The following CYP20A1 variants were observed in gnomAD, a reference collection of about 807,000 sequenced individuals.
The protein encoded by CYP20A1 is cytochrome P450 20A1.
A neutral mutation model predicts 61.4 loss-of-function variants in CYP20A1; 61 were observed. That is an observed-to-expected ratio of 0.99 (90% CI 0.81 to 1.23). The LOEUF (loss-of-function observed/expected upper bound fraction) is 1.23. CYP20A1 is among the 50% of genes most tolerant of loss of function. The pLI is 0.00. For synonymous variants in CYP20A1, 193 were observed against 188.2 expected, an observed-to-expected ratio of 1.03 and a Z score of -0.21; for missense variants, 530 against 542.4, an observed-to-expected ratio of 0.98 and a Z score of 0.23.
intron 6 of CYP20A1, among the ~76,000 whole-genome samples, chr2:203,273,524 C>T (rs1254032698): frequency 6.6e-6 from 1 of 152,088 alleles, no homozygotes; most frequent in African/African-American, 2.4e-5. Context: ...AAAATGGCGG[C>T]CATGGCAGCA....
chr2:203,255,317 ATAT>A (rs1559089225), intron 4 of CYP20A1, among the ~76,000 whole-genome samples: 1 of 152,248 alleles, frequency 6.6e-6, no homozygotes, highest in African/African-American at 2.4e-5. Flanking sequence ...AAAAACTATG[ATAT>A]TATATTTGCC....
intron 8 of CYP20A1, among the ~76,000 whole-genome samples, chr2:203,284,624 C>T (rs1235879788): frequency 6.6e-6 from 1 of 151,814 alleles, no homozygotes; most frequent in Admixed American, 6.6e-5. Flanking sequence ...ATTCGATATT[C>T]CATTTGTTAA....
At chr2:203,245,335 C>CT (rs2066424014) in intron 1 of CYP20A1, among the ~76,000 whole-genome samples, 1 of 92,558 alleles carries the variant, frequency 1.1e-5, no homozygotes, top group South Asian at 4.4e-4. Flanking sequence ...TGAAATCATT[C>CT]TTTAAAAAAA....
intron 1 of CYP20A1, among the ~76,000 whole-genome samples, chr2:203,243,586 G>A (rs761668925): frequency 2.8e-4 from 42 of 151,434 alleles, no homozygotes; most frequent in Admixed American, 9.2e-4. Context: ...GTTTCAACAT[G>A]TATGCCAGGC....
At chr2:203,254,660 T>C (rs2066828115) in intron 4 of CYP20A1, among the ~76,000 whole-genome samples, 1 of 152,178 alleles carries the variant, frequency 6.6e-6, no homozygotes, top group Admixed American at 6.5e-5. Context: ...TACCATTGTA[T>C]TGTAAGCATT....
At chr2:203,256,002 T>C (rs1474764048) in intron 4 of CYP20A1, among the ~76,000 whole-genome samples, 1 of 152,200 alleles carries the variant, frequency 6.6e-6, no homozygotes, top group Non-Finnish European at 1.5e-5. Context: ...CTTGCTGTGT[T>C]GCCTAGGCTG....
chr2:203,294,585 A>G (rs1320528666), intron 11 of CYP20A1, among the ~76,000 whole-genome samples: 1 of 152,188 alleles, frequency 6.6e-6, no homozygotes, highest in Non-Finnish European at 1.5e-5. Context: ...TACGCTTTTC[A>G]TTCGCTTTAA....
chr2:203,239,969 G>C (rs1346680577), intron 1 of CYP20A1, among the ~76,000 whole-genome samples: 1 of 152,120 alleles, frequency 6.6e-6, no homozygotes, highest in East Asian at 1.9e-4. Flanking sequence ...GGTGGCGGGC[G>C]CCTGTAATCC....
intron 6 of CYP20A1, among the ~76,000 whole-genome samples, chr2:203,277,564 G>A (rs1255985924): frequency 6.6e-6 from 1 of 151,904 alleles, no homozygotes; most frequent in Non-Finnish European, 1.5e-5. Context: ...CGCCCAGGCT[G>A]GAGTGAAGTG....
chr2:203,268,665 AT>A (rs1018139118), intron 5 of CYP20A1, among the ~76,000 whole-genome samples: 2 of 151,688 alleles, frequency 1.3e-5, no homozygotes, highest in African/African-American at 2.4e-5. Flanking sequence ...CTTTCAAAGA[AT>A]TTTTTTTATT....
chr2:203,290,042 G>C (rs2068469326), intron 10 of CYP20A1, among the ~76,000 whole-genome samples, 166 bp downstream of exon 10: 1 of 152,108 alleles, frequency 6.6e-6, no homozygotes, highest in African/African-American at 2.4e-5. Flanking sequence ...CCAGGTTCAA[G>C]GGATTCTCCT....
intron 3 of CYP20A1, among the ~76,000 whole-genome samples, chr2:203,249,383 G>A (rs900140728): frequency 2.0e-5 from 3 of 152,086 alleles, no homozygotes; most frequent in Admixed American, 6.6e-5. Flanking sequence ...CTTGAGAAAG[G>A]AAGAAAGAGA....
intron 3 of CYP20A1, 94 bp from the exon 4 acceptor site, chr2:203,251,873 T>A: frequency 2.2e-6 from 2 of 929,020 alleles, no homozygotes; most frequent in Non-Finnish European, 2.9e-6. Context: ...TGCTTTCAGC[T>A]ACAATTCTTT....
rs11304494 is a variant in CYP20A1 at position 203,305,194 on chromosome 2, C to CTTTTTTT, written c.*8305_*8311dup. The stretch of plus-strand genomic sequence containing the variant: ...AATTGGTTTACAGTTCGGTGGCTGT[C>CTTTTTTT]TTTTTTTTTTTTTTTTTTTTTTTTT... On this transcript the variant is annotated 3_prime_UTR_variant, in exon 13 of 13. Transcript: ENST00000356079. Among the ~76,000 whole-genome samples, 2 of 56,918 alleles carry CTTTTTTT rather than the reference C, an allele frequency of 3.5e-5. No individual in the cohort carries two copies. The highest frequency in any genetic ancestry group is 1.5e-4 in the African/African-American group (2 of 13,010). The allele number at this position is 56,918 out of a possible 152,430, so 37.3% of individuals were successfully genotyped here.
chr2:203,261,781 CTTG>C (rs1400556200), intron 4 of CYP20A1, among the ~76,000 whole-genome samples: 1 of 151,670 alleles, frequency 6.6e-6, no homozygotes. Context: ...ATTAGCAAAA[CTTG>C]TTGCAAATCT....
At chr2:203,256,227 G>A (rs1474276025) in intron 4 of CYP20A1, among the ~76,000 whole-genome samples, 1 of 151,982 alleles carries the variant, frequency 6.6e-6, no homozygotes, top group Non-Finnish European at 1.5e-5. Flanking sequence ...CCTTCATCTC[G>A]CAAAGTGCTG....
intron 3 of CYP20A1, among the ~76,000 whole-genome samples, chr2:203,248,096 G>A (rs1195951142): frequency 6.6e-6 from 1 of 152,080 alleles, no homozygotes; most frequent in Non-Finnish European, 1.5e-5. Flanking sequence ...TGTGATACAT[G>A]TGCCTGTAGA....
intron 5 of CYP20A1, among the ~76,000 whole-genome samples, chr2:203,268,086 C>A (rs1231179521): frequency 6.6e-6 from 1 of 152,130 alleles, no homozygotes; most frequent in African/African-American, 2.4e-5. Context: ...TTTTGTCATT[C>A]ATCTTCTATC....
intron 1 of CYP20A1, among the ~76,000 whole-genome samples, chr2:203,245,539 T>C (rs550427442): frequency 1.3e-5 from 2 of 152,176 alleles, no homozygotes; most frequent in South Asian, 2.1e-4. Context: ...TTCCCCTCTA[T>C]GTGTCCATGT....
Sources: gnomAD v4.1 joint callset for allele counts (sites outside exome capture counted in the v4.1 genomes callset) on GRCh38, gnomAD v4.1.1 for gene constraint, MANE v1.5 for transcripts, NCBI Gene and HGNC (gene_info 2026-07-23, HGNC 2026-07-21) for gene names.